The following PRDM9 variants were observed in gnomAD, a reference collection of about 807,000 sequenced individuals.
The protein encoded by PRDM9 is histone-lysine N-methyltransferase PRDM9.
A neutral mutation model predicts 55.6 loss-of-function variants in PRDM9; 47 were observed. The observed-to-expected ratio is 0.85, with a 90% CI of 0.67 to 1.08. The LOEUF (loss-of-function observed/expected upper bound fraction) is 1.08. Among genes scored for constraint, PRDM9 ranks in the 50% least tolerant of loss-of-function variants. The pLI, the probability that PRDM9 is intolerant of heterozygous loss-of-function variation, is 0.00. For missense variants in PRDM9, 867 were observed against 1,040.3 expected (o/e 0.83, Z 2.29); for synonymous variants, 312 against 375.7 (o/e 0.83, Z 1.96).
Position 23,522,852 on chromosome 5 carries a change from C to T in PRDM9, c.849C>T (p.Asp283=), listed in dbSNP as rs186937636. The T allele has an allele frequency of 1.1e-4, 172 of 1,614,218 alleles. No individual in the cohort carries two copies. In the East Asian group the frequency reaches 3.3e-3, roughly 31 times the overall value. The change falls in exon 8 of 11, where the codon GAC becomes GAT. Residue 283 remains aspartate, a synonymous_variant. Transcript: ENST00000296682. Reference sequence around the variant, plus strand: ...CTTATGAGGGCCGAATTACAGAAGACGAAGAGGCAGCCAACAATGGATACT... The same window carrying T: ...CTTATGAGGGCCGAATTACAGAAGATGAAGAGGCAGCCAACAATGGATACT... ...FGPYEGRITE[D]EEAANNGYSW...
At position 23,526,296 on chromosome 5, in the gene PRDM9, T is replaced by G; in HGVS notation, c.1208T>G (p.Leu403Arg). Residue 403 changes from leucine to arginine, a missense_variant, in exon 11 of 11, where the codon CTC becomes CGC. This residue lies in a region of PRDM9 where 662 missense variants were observed against 711.9 expected (regional missense o/e 0.93). Coordinates refer to ENST00000296682, the MANE Select transcript of PRDM9 (RefSeq NM_020227.4). ...CCLAFSSQKF[L>R]SQHVERNHSS... Reference sequence around the variant, plus strand: ...CTGGCCTTTTCAAGTCAGAAATTTCTCAGTCAACATGTAGAACGCAATCAC... The same window carrying G: ...CTGGCCTTTTCAAGTCAGAAATTTCGCAGTCAACATGTAGAACGCAATCAC... 1 of 1,614,132 alleles carries G rather than the reference T, an allele frequency of 6.2e-7. No individual in the cohort carries two copies. Among genetic ancestry groups the G allele is most frequent in the Non-Finnish European group, 8.5e-7 (1 of 1,180,030 alleles).
At chr5:23,524,642 A>T in intron 10 of PRDM9, 115 bp downstream of exon 10, 1 of 1,445,230 alleles carries the variant, frequency 6.9e-7, no homozygotes, top group African/African-American at 1.4e-5. Context: ...GTAAGATTTC[A>T]AATCAGTGGC....
In PRDM9 at chr5:23,527,791, C is replaced by A; in HGVS notation, c.*18C>A. ...ATGAGTAAGTCATTAGTAATAAAAC[C>A]TCATCTCAATAGCCACAAAAAGACA... is the stretch of plus-strand genomic sequence containing the variant. On this transcript the variant is annotated 3_prime_UTR_variant, in exon 11 of 11. Transcript: ENST00000296682. 1 of 1,613,974 alleles carries A rather than the reference C, an allele frequency of 6.2e-7. No individual in the cohort carries two copies.
intron 2 of PRDM9, 26 bp downstream of exon 2, chr5:23,509,128 G>T: frequency 3.1e-6 from 5 of 1,613,078 alleles, no homozygotes; most frequent in Non-Finnish European, 4.2e-6. Context: ...AGCGAAGCTG[G>T]ACTCCTAGCA....
chr5:23,515,137 G>A (rs1031725642), intron 4 of PRDM9, among the ~76,000 whole-genome samples: 1 of 151,610 alleles, frequency 6.6e-6, no homozygotes, highest in African/African-American at 2.4e-5. Context: ...CTAATTTTTT[G>A]TATTTTTAGT....
rs1285258925 is a variant in PRDM9, at chr5:23,509,941, C to T, written c.215C>T (p.Ala72Val). The change falls in exon 4 of 11, where the codon GCT becomes GTT. Residue 72 changes from alanine (A) to valine (V), a missense_variant. Ala to Val is a moderately conservative substitution (Grantham distance 64). Coordinates refer to ENST00000296682, the MANE Select transcript of PRDM9 (RefSeq NM_020227.4). ...ITIGLRATRPAFMCHRRQAIK... is the reference protein window; with the variant it reads ...ITIGLRATRPVFMCHRRQAIK... ...TCAGGTCTCAGAGCCACTCGACCAG[C>T]TTTCATGTGTCACCGAAGGCAGGCC... 1 of 1,613,778 alleles carries T rather than the reference C, an allele frequency of 6.2e-7. No individual in the cohort carries two copies. The highest frequency in any genetic ancestry group is 2.2e-5 in the East Asian group (1 of 44,852).
At chr5:23,516,541 T>G (rs551614857) in intron 4 of PRDM9, among the ~76,000 whole-genome samples, 14 of 149,828 alleles carry the variant, frequency 9.3e-5, no homozygotes, top group African/African-American at 3.4e-4. Context: ...CCTGGATAAT[T>G]GTTTGTATTT....
intron 5 of PRDM9, among the ~76,000 whole-genome samples, chr5:23,518,361 T>C (rs1033907399): frequency 1.3e-5 from 2 of 152,198 alleles, no homozygotes; most frequent in African/African-American, 4.8e-5. Context: ...TAACACAAGA[T>C]CATTAAAAGT....
chr5:23,519,903 G>T (rs1444305703), intron 5 of PRDM9, among the ~76,000 whole-genome samples: 1 of 151,548 alleles, frequency 6.6e-6, no homozygotes, highest in Non-Finnish European at 1.5e-5. Context: ...AATCAGCTGG[G>T]CATGGTGGTG....
chr5:23,510,804 T>C (rs1246944180), intron 4 of PRDM9, among the ~76,000 whole-genome samples: 1 of 151,970 alleles, frequency 6.6e-6, no homozygotes, highest in Non-Finnish European at 1.5e-5. Context: ...CCCAAAGTGC[T>C]AGGATTACAG....
intron 10 of PRDM9, among the ~76,000 whole-genome samples, chr5:23,525,069 C>T (rs1739405615): frequency 6.6e-6 from 1 of 152,158 alleles, no homozygotes; most frequent in African/African-American, 2.4e-5. Flanking sequence ...GTGATTAGTG[C>T]TTTGAAGTAA....
chr5:23,523,677 A>G (rs1416512168), intron 9 of PRDM9, among the ~76,000 whole-genome samples: 1 of 152,210 alleles, frequency 6.6e-6, no homozygotes, highest in Non-Finnish European at 1.5e-5. Flanking sequence ...AGCACTTTGT[A>G]TGTTCCAGGT....
At position 23,521,040 on chromosome 5, in the gene PRDM9, A is replaced by G; in HGVS notation, c.369A>G (p.Ser123=). 1 of 1,614,220 alleles carries G rather than the reference A, an allele frequency of 6.2e-7. No homozygotes were observed. Residue 123 remains serine, a synonymous_variant, in exon 6 of 11, where the codon TCA becomes TCG. Coordinates refer to ENST00000296682, the MANE Select transcript of PRDM9 (RefSeq NM_020227.4). ...CATTAAAGGGAATGCCCAAGGCGTC[A>G]TTCAGTAATGAATCTAGTTTGAAAG... ...RKHQKGMPKA[S]FSNESSLKEL...
chr5:23,514,981 G>A (rs981068040), intron 4 of PRDM9, among the ~76,000 whole-genome samples: 9 of 85,636 alleles, frequency 1.1e-4, no homozygotes, highest in Non-Finnish European at 1.9e-4. Context: ...TTTTTTTTTT[G>A]AGACAGAGTT....
intron 6 of PRDM9, 99 bp from the exon 7 acceptor site, chr5:23,522,205 G>C: frequency 9.5e-7 from 1 of 1,047,506 alleles, no homozygotes; most frequent in Non-Finnish European, 1.5e-6. Context: ...TATGTAGAAA[G>C]GTAGATGCCA....
rs1157249880 is a variant in PRDM9, at chr5:23,517,943, C to T, written c.351+13C>T. On this transcript the variant is annotated intron_variant, in intron 5 of 10. Transcript: ENST00000296682. ...TAAACACCAGAAGGTAAGTATTTCC[C>T]AAATCCTATTGACAAGAAACCTTCC... The T allele has an allele frequency of 1.9e-6, 3 of 1,579,718 alleles. No homozygotes were observed. The highest frequency in any genetic ancestry group is 4.5e-5 in the East Asian group (2 of 44,678).
intron 3 of PRDM9, 113 bp downstream of exon 3, chr5:23,509,706 G>T: frequency 1.9e-6 from 3 of 1,575,820 alleles, no homozygotes; most frequent in Non-Finnish European, 2.6e-6. Flanking sequence ...CCTTTTTCAT[G>T]TAGACAAATC....
rs546633916 is a variant in PRDM9, at chr5:23,509,007, C to A, written c.-27C>A. ...GCCCTTCTCACACTCAGAATTGGAG[C>A]AGGGCCTTCTAGACAGTCCCAGCAC... On this transcript the variant is annotated 5_prime_UTR_variant, in exon 2 of 11. Transcript: ENST00000296682. 10 of 1,612,930 alleles carry A rather than the reference C, an allele frequency of 6.2e-6. No homozygotes were observed. Among genetic ancestry groups the A allele is most frequent in the Middle Eastern group, 1.7e-4 (1 of 6,054 alleles).
intron 6 of PRDM9, 50 bp from the exon 7 acceptor site, chr5:23,522,254 A>T (rs985317771): frequency 6.9e-7 from 1 of 1,448,570 alleles, no homozygotes; most frequent in Non-Finnish European, 9.7e-7. Context: ...TGAAACAAGG[A>T]CAAACACCCC....
Sources: allele counts gnomAD v4.1 joint callset (sites outside exome capture counted in the v4.1 genomes callset), GRCh38; gene constraint gnomAD v4.1.1; regional missense constraint gnomAD v4.1.1; transcripts MANE v1.5; gene names NCBI Gene and HGNC (gene_info 2026-07-23, HGNC 2026-07-21).